WDR7: variants seen among roughly 807,000 people sequenced by gnomAD.
The protein encoded by WDR7 is WD repeat domain 7.
WDR7 carries 46 observed loss-of-function variants against 169.4 expected under a neutral mutation model. The ratio of observed to expected loss-of-function variants is 0.27; its 90% CI spans 0.21 to 0.35. The LOEUF (loss-of-function observed/expected upper bound fraction) is 0.35, where lower values mean the gene tolerates loss of function less well. WDR7 is among the 10% of genes least tolerant of loss of function. WDR7 has a pLI of 1.00. For missense variants in WDR7, 1,534 were observed against 1,859.3 expected (o/e 0.83, Z 3.22); for synonymous variants, 612 against 666.8 (o/e 0.92, Z 1.27).
chr18:56,797,901 C>G (rs1320219643), intron 19 of WDR7, among the ~76,000 whole-genome samples: 2 of 152,162 alleles, frequency 1.3e-5, no homozygotes, highest in Admixed American at 6.5e-5. Context: ...TTCATCTTCC[C>G]TTGGGCGTTT....
At chr18:56,972,306 A>G (rs55996342) in intron 26 of WDR7, among the ~76,000 whole-genome samples, 7,066 of 152,266 alleles carry the variant, frequency 0.046, 494 homozygotes, top group African/African-American at 0.15. Flanking sequence ...TAGGAGGAGC[A>G]GTGGACCTTA....
chr18:56,733,506 A>G (rs2026632197), intron 14 of WDR7, among the ~76,000 whole-genome samples: 1 of 152,188 alleles, frequency 6.6e-6, no homozygotes, highest in South Asian at 2.1e-4. Flanking sequence ...GAGTCTTTCA[A>G]TGGAAAGCAA....
chr18:56,754,558 G>A (rs1054317070), intron 14 of WDR7, among the ~76,000 whole-genome samples: 22 of 152,048 alleles, frequency 1.4e-4, no homozygotes, highest in African/African-American at 5.3e-4. Context: ...GCGTGTGCGT[G>A]TACGTGTGGA....
chr18:56,758,805 A>G, intron 15 of WDR7, 60 bp from the exon 16 acceptor site: 3 of 1,321,058 alleles, frequency 2.3e-6, no homozygotes, highest in Non-Finnish European at 3.1e-6. Context: ...TTTATTTTAA[A>G]TAGTTCTGGA....
At chr18:56,800,848 C>A (rs1036533311) in intron 19 of WDR7, among the ~76,000 whole-genome samples, 1 of 152,178 alleles carries the variant, frequency 6.6e-6, no homozygotes, top group African/African-American at 2.4e-5. Flanking sequence ...TAGAATCAGT[C>A]ATTTCTCTAA....
At chr18:56,746,647 G>C (rs1454812820) in intron 14 of WDR7, among the ~76,000 whole-genome samples, 2 of 151,996 alleles carry the variant, frequency 1.3e-5, no homozygotes, top group Non-Finnish European at 2.9e-5. Flanking sequence ...GGGGCAGTTG[G>C]GTCTTCCTCT....
rs371386255 is a variant in WDR7 at position 56,864,196 on chromosome 18, T to C, written c.3305-15748T>C. ...ACTAGAACATTTCTAAATATTACAG[T>C]TTATATTTATACAATGTGTATTTAA... On this transcript the variant is annotated intron_variant, in intron 20 of 27. Transcript: ENST00000254442. 7.2e-5 allele frequency among the ~76,000 whole-genome samples: 11 copies of C among 151,802 alleles called. No homozygotes were observed. The East Asian group carries it at 2.1e-3, about 29-fold the overall frequency.
chr18:57,001,255 A>C (rs2047974399), intron 26 of WDR7, among the ~76,000 whole-genome samples: 1 of 152,150 alleles, frequency 6.6e-6, no homozygotes, highest in African/African-American at 2.4e-5. Flanking sequence ...AGAGTGATGA[A>C]CAAGAATTCA....
chr18:56,684,031 G>A (rs948042701), intron 5 of WDR7, among the ~76,000 whole-genome samples: 17 of 152,158 alleles, frequency 1.1e-4, no homozygotes, highest in Non-Finnish European at 2.9e-5. Flanking sequence ...CAGTGAGGCT[G>A]ATTGAGGGCA....
chr18:56,756,463 G>T (rs1244328118), intron 14 of WDR7, 120 bp from the exon 15 acceptor site: 2 of 879,670 alleles, frequency 2.3e-6, no homozygotes, highest in Admixed American at 3.1e-5. Context: ...TCATGATATA[G>T]GTTCCTAGAA....
At chr18:56,713,715 T>G (rs1309584237) in intron 12 of WDR7, among the ~76,000 whole-genome samples, 1 of 152,164 alleles carries the variant, frequency 6.6e-6, no homozygotes, top group South Asian at 2.1e-4. Context: ...AATTATAGAA[T>G]GAGTCATTGC....
chr18:56,757,415 TCA>T, intron 15 of WDR7, 63 bp downstream of exon 15: 4 of 1,446,746 alleles, frequency 2.8e-6, no homozygotes, highest in South Asian at 1.5e-5. Flanking sequence ...TTTTATTTTT[TCA>T]TTGTTGATTA....
chr18:56,659,843 T>C (rs1189789591), intron 1 of WDR7, among the ~76,000 whole-genome samples: 3 of 152,016 alleles, frequency 2.0e-5, no homozygotes, highest in Non-Finnish European at 4.4e-5. Flanking sequence ...TTTTGAGATG[T>C]GATCACAGCA....
intron 14 of WDR7, among the ~76,000 whole-genome samples, chr18:56,748,014 A>G (rs1204705149): frequency 1.3e-5 from 2 of 152,034 alleles, no homozygotes; most frequent in Admixed American, 1.3e-4. Flanking sequence ...TAAGGGTTTC[A>G]GCATATCTAG....
intron 26 of WDR7, among the ~76,000 whole-genome samples, chr18:56,978,140 G>A (rs1016229605): frequency 6.6e-6 from 1 of 152,108 alleles, no homozygotes; most frequent in African/African-American, 2.4e-5. Flanking sequence ...ACAGGCATGT[G>A]GACTGTCCTT....
intron 26 of WDR7, among the ~76,000 whole-genome samples, chr18:56,988,588 CAA>C (rs1407414386): frequency 9.3e-6 from 1 of 106,988 alleles, no homozygotes. Context: ...TCATGGAAGG[CAA>C]GTGTGTGTGT....
chr18:56,821,057 A>C (rs139722672), intron 20 of WDR7, among the ~76,000 whole-genome samples: 1 of 152,214 alleles, frequency 6.6e-6, no homozygotes, highest in Non-Finnish European at 1.5e-5. Context: ...TCATTCAATC[A>C]GTAAATATTT....
chr18:56,851,335 T>G (rs1228188527), intron 20 of WDR7, among the ~76,000 whole-genome samples: 1 of 152,134 alleles, frequency 6.6e-6, no homozygotes, highest in Non-Finnish European at 1.5e-5. Flanking sequence ...TCCAACGCTG[T>G]TCCCACCCTA....
chr18:56,764,913 A>G (rs906937630), intron 16 of WDR7, among the ~76,000 whole-genome samples: 4 of 152,108 alleles, frequency 2.6e-5, no homozygotes, highest in African/African-American at 7.2e-5. Context: ...TGCTTCATGT[A>G]TTTTGAAGCT....
Sources: allele counts gnomAD v4.1 joint callset (sites outside exome capture counted in the v4.1 genomes callset), GRCh38; gene constraint gnomAD v4.1.1; transcripts MANE v1.5; gene names NCBI Gene and HGNC (gene_info 2026-07-23, HGNC 2026-07-21).